The following RECK variants were observed in gnomAD, a reference collection of about 807,000 sequenced individuals.
RECK encodes reversion inducing cysteine rich protein with kazal motifs, also known as reversion-inducing cysteine-rich protein with Kazal motifs.
A neutral mutation model predicts 115.1 loss-of-function variants in RECK; 69 were observed. The ratio of observed to expected loss-of-function variants is 0.60; its 90% CI spans 0.49 to 0.73. RECK has a LOEUF of 0.73. RECK is among the 30% of genes least tolerant of loss of function. RECK has a pLI of 0.00. For missense variants in RECK, 1,047 were observed against 1,203.7 expected, an observed-to-expected ratio of 0.87 and a Z score of 1.93; for synonymous variants, 414 against 419.7, an observed-to-expected ratio of 0.99 and a Z score of 0.17.
chr9:36,121,511 A>G (rs753150051), intron 19 of RECK, 22 bp from the exon 20 acceptor site: 2 of 1,606,894 alleles, frequency 1.2e-6, no homozygotes, highest in Middle Eastern at 3.3e-4. Flanking sequence ...TTTTTCAGGT[A>G]ATACATGTTT....
intron 1 of RECK, among the ~76,000 whole-genome samples, chr9:36,050,447 TA>T (rs1291604489): frequency 1.3e-5 from 2 of 152,196 alleles, no homozygotes; most frequent in Non-Finnish European, 2.9e-5. Context: ...TCGGACTACT[TA>T]ATACCATCTC....
At chr9:36,073,273 CACACAT>C (rs1822316199) in intron 6 of RECK, among the ~76,000 whole-genome samples, 1 of 149,316 alleles carries the variant, frequency 6.7e-6, no homozygotes, top group Non-Finnish European at 1.5e-5. Context: ...CACACACACA[CACACAT>C]CCATCCCAAA....
At chr9:36,086,661 T>C (rs1426214517) in intron 8 of RECK, among the ~76,000 whole-genome samples, 1 of 152,152 alleles carries the variant, frequency 6.6e-6, no homozygotes. Flanking sequence ...TACAGAGTGC[T>C]GATTGGTCTA....
At chr9:36,086,449 G>A (rs143254155) in intron 8 of RECK, among the ~76,000 whole-genome samples, 164 of 152,144 alleles carry the variant, frequency 1.1e-3, no homozygotes, top group African/African-American at 3.3e-3. Flanking sequence ...GAGTGAAGCC[G>A]CAGACCTTCG....
intron 7 of RECK, among the ~76,000 whole-genome samples, chr9:36,082,158 C>CTCTCTCTCTCTCTCTG (rs1822734605): frequency 7.3e-6 from 1 of 137,582 alleles, no homozygotes; most frequent in Non-Finnish European, 1.5e-5. Flanking sequence ...TGCTTTCTCT[C>CTCTCTCTCTCTCTCTG]TCTCTCTCTC....
chr9:36,071,832 C>CT (rs1218172154), intron 6 of RECK, among the ~76,000 whole-genome samples: 1 of 152,106 alleles, frequency 6.6e-6, no homozygotes, highest in Non-Finnish European at 1.5e-5. Flanking sequence ...AAAATTAAGA[C>CT]TGTTGAGGAT....
chr9:36,057,469 A>C (rs1821576126), intron 2 of RECK, among the ~76,000 whole-genome samples: 1 of 152,204 alleles, frequency 6.6e-6, no homozygotes, highest in South Asian at 2.1e-4. Flanking sequence ...AAACTAATCA[A>C]TGCTTTTTAA....
At chr9:36,057,025 G>C in intron 2 of RECK, 1 of 984,976 alleles carries the variant, frequency 1.0e-6, no homozygotes, top group Non-Finnish European at 1.2e-6. Context: ...TAATCATGAA[G>C]GTCTGTCTGA....
intron 6 of RECK, among the ~76,000 whole-genome samples, chr9:36,070,693 A>T (rs1488906147): frequency 6.6e-6 from 1 of 152,190 alleles, no homozygotes; most frequent in Non-Finnish European, 1.5e-5. Flanking sequence ...GGATTTTTGC[A>T]ACAGACAGGA....
intron 6 of RECK, among the ~76,000 whole-genome samples, chr9:36,074,494 G>A (rs1822370742): frequency 6.6e-6 from 1 of 152,172 alleles, no homozygotes; most frequent in African/African-American, 2.4e-5. Context: ...AGAATGTATT[G>A]GAGCCTGGAG....
intron 13 of RECK, among the ~76,000 whole-genome samples, chr9:36,107,177 T>C (rs1823854003): frequency 6.6e-6 from 1 of 150,590 alleles, no homozygotes; most frequent in Non-Finnish European, 1.5e-5. Context: ...AAACCCATCA[T>C]ATAATAAGAT....
chr9:36,102,321 T>C (rs1823595649), intron 12 of RECK, 91 bp downstream of exon 12: 3 of 1,155,812 alleles, frequency 2.6e-6, no homozygotes, highest in Non-Finnish European at 2.5e-6. Context: ...TGAGCATTTA[T>C]CTGTTGAGAA....
chr9:36,106,252 G>A (rs1266922830), intron 13 of RECK, among the ~76,000 whole-genome samples: 1 of 115,828 alleles, frequency 8.6e-6, no homozygotes, highest in Non-Finnish European at 1.8e-5. Flanking sequence ...TTTTTTTTTT[G>A]AGACGGGGTT....
intron 14 of RECK, 143 bp from the exon 15 acceptor site, chr9:36,109,814 A>C (rs1823964323): frequency 1.2e-6 from 1 of 801,962 alleles, no homozygotes; most frequent in African/African-American, 1.7e-5. Flanking sequence ...AGTGCACTCC[A>C]GCCTGGGCGA....
intron 8 of RECK, 64 bp downstream of exon 8, chr9:36,083,626 G>A (rs1294543415): frequency 1.3e-6 from 2 of 1,511,096 alleles, no homozygotes; most frequent in African/African-American, 2.7e-5. Flanking sequence ...AAAAAGAAGT[G>A]ATACGTTCTT....
At chr9:36,118,991 A>T in intron 18 of RECK, 24 bp downstream of exon 18, 2 of 1,600,772 alleles carry the variant, frequency 1.2e-6, no homozygotes, top group South Asian at 1.1e-5. Flanking sequence ...ATCGGGGTGG[A>T]CAGGGGAGGA....
At chr9:36,050,731 C>T (rs999552616) in intron 1 of RECK, among the ~76,000 whole-genome samples, 1 of 152,072 alleles carries the variant, frequency 6.6e-6, no homozygotes, top group Non-Finnish European at 1.5e-5. Flanking sequence ...CCTACTCTAC[C>T]CTTCAGTCAT....
intron 11 of RECK, among the ~76,000 whole-genome samples, chr9:36,101,591 CTT>C (rs1823568715): frequency 6.6e-6 from 1 of 152,202 alleles, no homozygotes; most frequent in South Asian, 2.1e-4. Context: ...TATGTAGACT[CTT>C]AGCACAGAAA....
rs1564140662 is a variant in RECK at position 36,121,516 on chromosome 9, A to G, written c.2539-17A>G. On this transcript the variant is annotated splice_polypyrimidine_tract_variant and intron_variant, in intron 19 of 20. Transcript: ENST00000377966. Reference sequence around the variant, plus strand: ...AATTCTTCTTTTTTTCAGGTAATACATGTTTTCTCTTTCCAGGTAACAAAT... The same window carrying G: ...AATTCTTCTTTTTTTCAGGTAATACGTGTTTTCTCTTTCCAGGTAACAAAT... 3 of 1,610,588 alleles carry G rather than the reference A, an allele frequency of 1.9e-6. No homozygotes were observed. Among genetic ancestry groups the G allele is most frequent in the Non-Finnish European group, 2.5e-6 (3 of 1,177,758 alleles).
Sources: allele counts gnomAD v4.1 joint callset (sites outside exome capture counted in the v4.1 genomes callset), GRCh38; gene constraint gnomAD v4.1.1; transcripts MANE v1.5; gene names NCBI Gene and HGNC (gene_info 2026-07-23, HGNC 2026-07-21).